MEGF9: variants seen among roughly 807,000 people sequenced by gnomAD.
MEGF9 encodes multiple epidermal growth factor-like domains protein 9.
A neutral mutation model predicts 46.8 loss-of-function variants in MEGF9; 6 were observed. That is an observed-to-expected ratio of 0.13 (90% CI 0.07 to 0.25). The LOEUF (loss-of-function observed/expected upper bound fraction) is 0.25, where lower values mean the gene tolerates loss of function less well. Ranked by LOEUF, MEGF9 falls within the 10% of genes least tolerant of loss-of-function variation. The pLI, the probability that MEGF9 is intolerant of heterozygous loss-of-function variation, is 1.00. For missense variants in MEGF9, 683 were observed against 792.4 expected, an observed-to-expected ratio of 0.86 and a Z score of 1.66; for synonymous variants, 302 against 330.7, an observed-to-expected ratio of 0.91 and a Z score of 0.94.
Position 120,714,006 on chromosome 9 carries a change from G to A in MEGF9, c.353C>T (p.Ala118Val). Residue 118 changes from alanine to valine, a missense_variant, in exon 1 of 6, where the codon GCG becomes GTG. Coordinates refer to ENST00000373930, the MANE Select transcript of MEGF9 (RefSeq NM_001080497.3). ...GGTGGTCGGCGAGGGGCCGAGCGGC[G>A]CCTGAAAGGTGGTGGAAGAGGGTCC... ...TAGPSSTTFQ[A>V]PLGPSPTTPP... The A allele has an allele frequency of 7.2e-7, 1 of 1,383,246 alleles. No homozygotes were observed. The highest frequency in any genetic ancestry group is 9.4e-7 in the Non-Finnish European group (1 of 1,063,774). The allele number at this position is 1,383,246 out of a possible 1,614,324, so 85.7% of individuals were successfully genotyped here.
At chr9:120,690,431 A>C (rs947413641) in intron 1 of MEGF9, among the ~76,000 whole-genome samples, 14 of 152,328 alleles carry the variant, frequency 9.2e-5, no homozygotes, top group Middle Eastern at 3.4e-3. Context: ...ATTCAAAATG[A>C]AAACTATTTG....
In MEGF9 at chr9:120,634,446, CTTTTTTTTTTT is replaced by C. The variant is rs1158273579; in HGVS notation, c.804-11702_804-11692del. On this transcript the variant is annotated intron_variant, in intron 2 of 5. Coordinates refer to ENST00000373930, the MANE Select transcript of MEGF9 (RefSeq NM_001080497.3). ...TTTGGTTTCCATATGTGTGGAATAT[CTTTTTTTTTTT>C]TTTTTTTTTTTTTTTTTGAGACGGA... Among the ~76,000 whole-genome samples the C allele has an allele frequency of 2.8e-4, 13 of 46,930 alleles. No individual in the cohort carries two copies. In the East Asian group the frequency reaches 2.8e-3, roughly 10 times the overall value. The allele number at this position is 46,930 out of a possible 152,430, so 30.8% of individuals were successfully genotyped here.
At chr9:120,659,314 A>T in intron 2 of MEGF9, 60 bp downstream of exon 2, 1 of 1,455,060 alleles carries the variant, frequency 6.9e-7, no homozygotes, top group Non-Finnish European at 9.4e-7. Flanking sequence ...TGAGAGTAGC[A>T]GCCTTTTTTT....
chr9:120,631,991 G>A (rs755855714), intron 2 of MEGF9, among the ~76,000 whole-genome samples: 22 of 148,788 alleles, frequency 1.5e-4, no homozygotes, highest in Non-Finnish European at 2.5e-4. Context: ...GCAGTGATGC[G>A]ATCTCAGCTC....
chr9:120,656,490 T>C (rs2132321221), intron 2 of MEGF9, among the ~76,000 whole-genome samples: 1 of 133,944 alleles, frequency 7.5e-6, no homozygotes, highest in Admixed American at 9.5e-5. Context: ...GAGCTTGCAG[T>C]GAGCCAAGAT....
At chr9:120,664,478 G>A (rs191669734) in intron 1 of MEGF9, among the ~76,000 whole-genome samples, 15 of 152,228 alleles carry the variant, frequency 9.9e-5, no homozygotes, top group East Asian at 5.8e-4. Flanking sequence ...AAAAATTTGC[G>A]TAACAAAATA....
intron 5 of MEGF9, among the ~76,000 whole-genome samples, chr9:120,606,818 A>T (rs2043422110): frequency 6.6e-6 from 1 of 152,154 alleles, no homozygotes; most frequent in Non-Finnish European, 1.5e-5. Context: ...TATTATTATA[A>T]TTCTTCACCA....
At position 120,602,439 on chromosome 9, in the gene MEGF9, C is replaced by G. The variant is rs1000573762; in HGVS notation, c.*2751G>C. ...CTAGAATGATTTCAGTGGTAGATCA[C>G]TTTCTGATTGATTTATATTTTAAAG... On this transcript the variant is annotated 3_prime_UTR_variant, in exon 6 of 6. Transcript: ENST00000373930. 1.3e-5 allele frequency: 2 copies of G among 152,602 alleles called. No homozygotes were observed. 9.5% of individuals were successfully genotyped at this position (152,602 alleles called of 1,614,324 possible). A position where few individuals can be genotyped will look rare whatever the true frequency, so the allele number is the denominator to read the frequency against.
At chr9:120,691,034 G>A (rs966397) in intron 1 of MEGF9, among the ~76,000 whole-genome samples, 90,223 of 152,026 alleles carry the variant, frequency 0.59, 29,262 homozygotes, top group South Asian at 0.75. Flanking sequence ...ATTTCTTTGA[G>A]TCATAGTTTC....
chr9:120,668,700 T>G (rs1473108353), intron 1 of MEGF9, among the ~76,000 whole-genome samples: 1 of 152,232 alleles, frequency 6.6e-6, no homozygotes, highest in Non-Finnish European at 1.5e-5. Context: ...TATTACCAGC[T>G]ATTAAGCATA....
chr9:120,628,909 A>G (rs1209138052), intron 2 of MEGF9, among the ~76,000 whole-genome samples: 4 of 152,176 alleles, frequency 2.6e-5, no homozygotes, highest in African/African-American at 9.6e-5. Context: ...CCACCTCTCA[A>G]TGATACAATC....
At chr9:120,675,004 G>A (rs912975177) in intron 1 of MEGF9, among the ~76,000 whole-genome samples, 5 of 151,346 alleles carry the variant, frequency 3.3e-5, no homozygotes, top group Non-Finnish European at 7.4e-5. Context: ...TCAGCTTCCC[G>A]AGTAGCTGGG....
intron 1 of MEGF9, among the ~76,000 whole-genome samples, chr9:120,668,617 A>G (rs577215274): frequency 6.6e-6 from 1 of 152,242 alleles, no homozygotes; most frequent in Non-Finnish European, 1.5e-5. Flanking sequence ...TAATTCATCT[A>G]ATTAATGAGA....
rs1219535211 is a variant in MEGF9 at position 120,612,430 on chromosome 9, A to G, written c.1053T>C (p.Cys351=). The G allele has an allele frequency of 1.2e-6, 2 of 1,613,742 alleles. No homozygotes were observed. The highest frequency in any genetic ancestry group is 1.7e-6 in the Non-Finnish European group (2 of 1,179,740). ...AGCTGCCTGTAGATGTCACTGCTGA[A>G]CAAGGGCAGCGAAGACATTCTTTAG... is the stretch of plus-strand genomic sequence containing the variant. ...DATKECLRCP[C]SAVTSTGSCS... is the part of the protein sequence containing the mutation. The change falls in exon 4 of 6, where the codon TGT becomes TGC. Residue 351 remains cysteine, a synonymous_variant. Transcript: ENST00000373930.
At chr9:120,706,827 C>G (rs927355792) in intron 1 of MEGF9, among the ~76,000 whole-genome samples, 1 of 151,966 alleles carries the variant, frequency 6.6e-6, no homozygotes, top group African/African-American at 2.4e-5. Context: ...AGAGTGAGAC[C>G]CTGTCTCAAA....
At chr9:120,680,588 A>T (rs911218114) in intron 1 of MEGF9, among the ~76,000 whole-genome samples, 17 of 152,014 alleles carry the variant, frequency 1.1e-4, no homozygotes, top group African/African-American at 3.9e-4. Context: ...AAGCCACCAC[A>T]GCACTGGATC....
At chr9:120,628,680 A>G (rs2043537726) in intron 2 of MEGF9, among the ~76,000 whole-genome samples, 1 of 151,970 alleles carries the variant, frequency 6.6e-6, no homozygotes, top group African/African-American at 2.4e-5. Flanking sequence ...ATCTTTTATA[A>G]TGGACAGTGA....
chr9:120,701,302 G>A (rs1259059590), intron 1 of MEGF9, among the ~76,000 whole-genome samples: 2 of 152,236 alleles, frequency 1.3e-5, no homozygotes, highest in African/African-American at 2.4e-5. Context: ...TAATATGCCA[G>A]TTTCTTGGAA....
intron 1 of MEGF9, among the ~76,000 whole-genome samples, chr9:120,694,044 G>A (rs1297506632): frequency 1.3e-5 from 2 of 152,158 alleles, no homozygotes; most frequent in Non-Finnish European, 2.9e-5. Context: ...ACTGAAGAGA[G>A]TAGTAAACAG....
Sources: allele counts gnomAD v4.1 joint callset (sites outside exome capture counted in the v4.1 genomes callset), GRCh38; gene constraint gnomAD v4.1.1; transcripts MANE v1.5; gene names NCBI Gene and HGNC (gene_info 2026-07-23, HGNC 2026-07-21).